CNTN5: variants seen among roughly 807,000 people sequenced by gnomAD.
The protein encoded by CNTN5 is contactin 5.
A neutral mutation model predicts 129.1 loss-of-function variants in CNTN5; 77 were observed. The observed-to-expected ratio is 0.60, with a 90% CI of 0.50 to 0.72. CNTN5 has a LOEUF of 0.72. Ranked by LOEUF, CNTN5 falls within the 30% of genes least tolerant of loss-of-function variation. The pLI is 0.00. For missense variants in CNTN5, 1,478 were observed against 1,328.8 expected, an observed-to-expected ratio of 1.11 and a Z score of -1.75; for synonymous variants, 509 against 465.6, an observed-to-expected ratio of 1.09 and a Z score of -1.20.
At position 100,071,851 on chromosome 11, in the gene CNTN5, T is replaced by G; in HGVS notation, c.1429+17T>G. On this transcript the variant is annotated intron_variant, in intron 12 of 24. Coordinates refer to ENST00000524871, the MANE Select transcript of CNTN5 (RefSeq NM_014361.4). Reference sequence around the variant, plus strand: ...AGATTCTAGGTATGCAGTTTCTAAGTGAATAAATTGAAAAAAAAAACCTTG... The same window carrying G: ...AGATTCTAGGTATGCAGTTTCTAAGGGAATAAATTGAAAAAAAAAACCTTG... The G allele has an allele frequency of 6.4e-7, 1 of 1,553,608 alleles. No individual in the cohort carries two copies. The highest frequency in any genetic ancestry group is 8.6e-7 in the Non-Finnish European group (1 of 1,157,502).
intron 13 of CNTN5, among the ~76,000 whole-genome samples, chr11:100,167,758 T>C (rs561709213): frequency 1.4e-3 from 208 of 151,960 alleles, no homozygotes; most frequent in African/African-American, 4.9e-3. Context: ...AGCCAAAAGA[T>C]AGATGGCAGT....
intron 2 of CNTN5, among the ~76,000 whole-genome samples, chr11:99,464,790 T>C (rs1284428308): frequency 6.6e-6 from 1 of 152,206 alleles, no homozygotes; most frequent in Non-Finnish European, 1.5e-5. Flanking sequence ...ATAGGAAATA[T>C]GTTATAATAT....
intron 13 of CNTN5, among the ~76,000 whole-genome samples, chr11:100,178,905 G>A (rs1311598019): frequency 6.6e-6 from 1 of 152,174 alleles, no homozygotes; most frequent in Non-Finnish European, 1.5e-5. Context: ...GTCACTTGCT[G>A]AAGGTGCTGG....
At position 100,284,030 on chromosome 11, in the gene CNTN5, T is replaced by C. The variant is rs544645589; in HGVS notation, c.2314+12789T>C. ...CTGAATTTGGTCTGGTTTTGCTTTC[T>C]TCTATAACCAAGCGACACTGAATTT... On this transcript the variant is annotated intron_variant, in intron 18 of 24. Transcript: ENST00000524871. 1.6e-4 allele frequency among the ~76,000 whole-genome samples: 25 copies of C among 152,320 alleles called. No individual in the cohort carries two copies. The South Asian group carries it at 4.6e-3, about 28-fold the overall frequency.
At chr11:99,829,928 CTATAAA>C (rs1565579849) in intron 4 of CNTN5, among the ~76,000 whole-genome samples, 1 of 152,142 alleles carries the variant, frequency 6.6e-6, no homozygotes, top group African/African-American at 2.4e-5. Flanking sequence ...GTTCCTCCCT[CTATAAA>C]TATAAACTGA....
chr11:100,178,963 A>G (rs1473315969), intron 13 of CNTN5, among the ~76,000 whole-genome samples: 1 of 152,112 alleles, frequency 6.6e-6, no homozygotes, highest in Non-Finnish European at 1.5e-5. Flanking sequence ...TTTTGTGGGT[A>G]CATCAGAGGC....
At chr11:99,577,661 GT>G (rs1949401913) in intron 3 of CNTN5, among the ~76,000 whole-genome samples, 1 of 151,834 alleles carries the variant, frequency 6.6e-6, no homozygotes, top group South Asian at 2.1e-4. Flanking sequence ...AAAATACAGT[GT>G]TTAAAAGAGT....
intron 13 of CNTN5, among the ~76,000 whole-genome samples, chr11:100,105,770 A>G (rs1169933913): frequency 6.6e-6 from 1 of 151,730 alleles, no homozygotes; most frequent in Non-Finnish European, 1.5e-5. Context: ...TTCCAATTCA[A>G]GGCAAAATCC....
At chr11:100,266,630 C>CG (rs377244364) in intron 17 of CNTN5, among the ~76,000 whole-genome samples, 18 of 140,842 alleles carry the variant, frequency 1.3e-4, no homozygotes, top group African/African-American at 4.7e-4. Context: ...ATTTCCAAAT[C>CG]TTTTTTTTTT....
chr11:99,822,866 T>C (rs545520496), intron 4 of CNTN5, among the ~76,000 whole-genome samples: 1 of 152,296 alleles, frequency 6.6e-6, no homozygotes, highest in Non-Finnish European at 1.5e-5. Context: ...CTCCCAACAA[T>C]GGGTTACAAA....
chr11:100,269,978 C>T (rs548999773), intron 17 of CNTN5, among the ~76,000 whole-genome samples: 1 of 152,196 alleles, frequency 6.6e-6, no homozygotes, highest in Admixed American at 6.5e-5. Flanking sequence ...TGTGGTCTGA[C>T]AGTGGCCTTT....
intron 2 of CNTN5, among the ~76,000 whole-genome samples, chr11:99,553,037 C>T (rs1284720339): frequency 4.6e-5 from 7 of 152,006 alleles, no homozygotes; most frequent in Admixed American, 3.3e-4. Flanking sequence ...TGACTGAATC[C>T]GAACACTATT....
At chr11:100,187,156 T>G (rs1840041) in intron 13 of CNTN5, among the ~76,000 whole-genome samples, 84,558 of 151,846 alleles carry the variant, frequency 0.56, 23,856 homozygotes, top group South Asian at 0.75. Flanking sequence ...TTTTTGCAGC[T>G]ATTGTAAATG....
chr11:99,962,483 G>A (rs1178852481), intron 8 of CNTN5, among the ~76,000 whole-genome samples: 2 of 152,020 alleles, frequency 1.3e-5, no homozygotes, highest in African/African-American at 2.4e-5. Flanking sequence ...CAAAGGACAT[G>A]AACTCATCCT....
chr11:99,058,462 A>G (rs996141084), intron 1 of CNTN5, among the ~76,000 whole-genome samples: 3 of 151,764 alleles, frequency 2.0e-5, no homozygotes, highest in Non-Finnish European at 2.9e-5. Context: ...ATATATGTGT[A>G]TATATATATA....
chr11:99,845,499 A>C (rs1026493624), intron 6 of CNTN5, among the ~76,000 whole-genome samples: 2 of 145,708 alleles, frequency 1.4e-5, no homozygotes, highest in South Asian at 4.3e-4. Context: ...CAGCCTCCCA[A>C]GTAGCTGGGA....
rs117101995 is a variant in CNTN5, at chr11:99,396,888, G to A, written c.-71+71404G>A. The stretch of plus-strand genomic sequence containing the variant: ...AATAAAACAAGTATCTAGTGCATAC[G>A]ACATTCAACACATTTGGTATGCCTT... On this transcript the variant is annotated intron_variant, in intron 2 of 24. Transcript: ENST00000524871. Among the ~76,000 whole-genome samples the A allele has an allele frequency of 3.8e-3, 578 of 151,738 alleles. 6 individuals are homozygous for A. The highest frequency in any genetic ancestry group is 4.3e-3 in the Non-Finnish European group (290 of 67,692).
At chr11:99,646,962 C>T (rs552341681) in intron 3 of CNTN5, among the ~76,000 whole-genome samples, 153 of 152,064 alleles carry the variant, frequency 1.0e-3, no homozygotes, top group Admixed American at 4.1e-3. Flanking sequence ...ATAGTTTGCC[C>T]ATATTTTTTC....
chr11:99,247,152 T>C (rs73534954), intron 1 of CNTN5, among the ~76,000 whole-genome samples: 2,604 of 152,250 alleles, frequency 0.017, 87 homozygotes, highest in African/African-American at 0.06. Flanking sequence ...GATAATTTTC[T>C]GGAGTTATTA....
Sources: allele counts gnomAD v4.1 joint callset (sites outside exome capture counted in the v4.1 genomes callset), GRCh38; gene constraint gnomAD v4.1.1; transcripts MANE v1.5; gene names NCBI Gene and HGNC (gene_info 2026-07-23, HGNC 2026-07-21).